The following LINGO1 variants were observed in gnomAD, a reference collection of about 807,000 sequenced individuals.
LINGO1 encodes leucine-rich repeat and immunoglobulin-like domain-containing nogo receptor-interacting protein 1.
LINGO1 carries 11 observed loss-of-function variants against 37.3 expected under a neutral mutation model. The ratio of observed to expected loss-of-function variants is 0.29; its 90% confidence interval spans 0.19 to 0.49. The LOEUF is 0.49. Ranked by LOEUF, LINGO1 falls within the 20% of genes least tolerant of loss-of-function variation. The pLI, the probability that LINGO1 is intolerant of heterozygous loss-of-function variation, is 0.99. For synonymous variants in LINGO1, 387 were observed against 403.0 expected, an observed-to-expected ratio of 0.96 and a Z score of 0.48; for missense variants, 585 against 878.2, an observed-to-expected ratio of 0.67 and a Z score of 4.22.
chr15:77,658,816 G>C (rs1348759110), intron 3 of LINGO1, among the ~76,000 whole-genome samples: 1 of 152,222 alleles, frequency 6.6e-6, no homozygotes, highest in Admixed American at 6.5e-5. Flanking sequence ...GAAGATCTGG[G>C]GGGCAACAGA....
chr15:77,759,871 C>T (rs929562924), intron 1 of LINGO1, among the ~76,000 whole-genome samples: 3 of 152,228 alleles, frequency 2.0e-5, no homozygotes, highest in Admixed American at 6.5e-5. Context: ...ACATGCTGAG[C>T]GCTCTGCCCT....
rs180891603 is a variant in LINGO1, at chr15:77,753,134, A to G, written c.-256-18081T>C. On this transcript the variant is annotated intron_variant, in intron 1 of 3. Transcript: ENST00000561686. ...TCATGGGTCCCGCGTGCTGGAGAGA[A>G]CAGAGACCTGACTGCCTCCAACTAA... 1.8e-4 allele frequency among the ~76,000 whole-genome samples: 28 copies of G among 152,352 alleles called. 1 individual carries two copies. In the East Asian group the frequency reaches 5.4e-3, roughly 29 times the overall value.
intron 1 of LINGO1, among the ~76,000 whole-genome samples, chr15:77,761,790 C>A (rs2076479684): frequency 1.3e-5 from 2 of 152,244 alleles, no homozygotes; most frequent in African/African-American, 2.4e-5. Context: ...GCTCTCCTCT[C>A]CAGGGGAATG....
upstream of LINGO1, among the ~76,000 whole-genome samples, chr15:77,697,958 A>T (rs2075718034): frequency 1.3e-5 from 2 of 152,150 alleles, no homozygotes; most frequent in African/African-American, 4.8e-5. Context: ...TCATCCTAGG[A>T]GCCAGCAGGA....
chr15:77,797,361 T>C (rs2076881908), intron 1 of LINGO1, among the ~76,000 whole-genome samples: 1 of 152,214 alleles, frequency 6.6e-6, no homozygotes, highest in Non-Finnish European at 1.5e-5. Flanking sequence ...TTTCGTGGTG[T>C]GCAGACAAAT....
At chr15:77,724,581 C>T (rs1284225648) in intron 2 of LINGO1, among the ~76,000 whole-genome samples, 2 of 152,206 alleles carry the variant, frequency 1.3e-5, no homozygotes, top group African/African-American at 2.4e-5. Context: ...GTTTCAACCT[C>T]GCCTCTCCGG....
chr15:77,705,173 T>TCA (rs1187038083), intron 2 of LINGO1, among the ~76,000 whole-genome samples: 1 of 44,108 alleles, frequency 2.3e-5, no homozygotes, highest in African/African-American at 6.9e-5. Flanking sequence ...CCCCCTGCCA[T>TCA]GACACACACA....
chr15:77,787,684 G>A (rs2076785568), upstream of LINGO1, among the ~76,000 whole-genome samples: 1 of 152,074 alleles, frequency 6.6e-6, no homozygotes, highest in Non-Finnish European at 1.5e-5. Flanking sequence ...CACGAGGCCG[G>A]TGTGCCCATC....
chr15:77,657,497 A>G (rs1211802175), intron 3 of LINGO1, among the ~76,000 whole-genome samples: 2 of 151,522 alleles, frequency 1.3e-5, no homozygotes, highest in Non-Finnish European at 2.9e-5. Context: ...TCCATTTCCA[A>G]CTCTTCTCCC....
At chr15:77,770,672 G>A (rs1567574050) in intron 1 of LINGO1, among the ~76,000 whole-genome samples, 1 of 152,006 alleles carries the variant, frequency 6.6e-6, no homozygotes, top group South Asian at 2.1e-4. Flanking sequence ...TCCACGAAGA[G>A]GGGGTTTAAA....
At chr15:77,702,297 G>A (rs893048224) in intron 2 of LINGO1, among the ~76,000 whole-genome samples, 1 of 152,110 alleles carries the variant, frequency 6.6e-6, no homozygotes, top group Non-Finnish European at 1.5e-5. Context: ...ACAGGCTGGG[G>A]GACACCTGCA....
rs80026204 is a variant in LINGO1 at position 77,692,369 on chromosome 15, G to A, written c.-280-1468C>T. Among the ~76,000 whole-genome samples, 1,462 of 152,300 alleles carry A rather than the reference G, an allele frequency of 9.6e-3. 9 individuals carry two copies. Among genetic ancestry groups the A allele is most frequent in the South Asian group, 0.03 (143 of 4,822 alleles). On this transcript the variant is annotated intron_variant, in intron 1 of 3. Transcript: ENST00000559893. ...ACTGTCATCACAGGAAGAGGACAAG[G>A]GGGCAGGGAGGGAGTGGCTGTTGCC... is the stretch of plus-strand genomic sequence containing the variant.
At chr15:77,792,046 C>A (rs1422352613) in intron 2 of LINGO1, among the ~76,000 whole-genome samples, 1 of 152,184 alleles carries the variant, frequency 6.6e-6, no homozygotes, top group Non-Finnish European at 1.5e-5. Flanking sequence ...CCCCACACAA[C>A]TGCCTCTCCA....
Position 77,614,903 on chromosome 15 carries a change from T to C in LINGO1, c.1004A>G (p.Asn335Ser), listed in dbSNP as rs1295979198. The change falls in exon 2 of 2, where the codon AAC becomes AGC. Residue 335 changes from asparagine to serine, a missense_variant. Transcript: ENST00000355300. ...AGAGACATTGAGCACGCGCAGGTAGTTGAGGCCGCGGAAGGCATAGGGCTC... is the reference window on the plus strand; with the variant it reads ...AGAGACATTGAGCACGCGCAGGTAGCTGAGGCCGCGGAAGGCATAGGGCTC... ...VVEPYAFRGL[N>S]YLRVLNVSGN... The C allele has an allele frequency of 6.2e-7, 1 of 1,612,946 alleles. No homozygotes were observed. The highest frequency in any genetic ancestry group is 1.1e-5 in the South Asian group (1 of 91,028).
intron 1 of LINGO1, among the ~76,000 whole-genome samples, chr15:77,621,434 A>C (rs2142523355): frequency 6.6e-6 from 1 of 152,324 alleles, no homozygotes; most frequent in African/African-American, 2.4e-5. Flanking sequence ...GATGAGAAAA[A>C]CAGAGGCTCT....
intron 2 of LINGO1, among the ~76,000 whole-genome samples, chr15:77,706,835 T>A (rs1436987711): frequency 6.6e-6 from 1 of 152,176 alleles, no homozygotes; most frequent in Non-Finnish European, 1.5e-5. Flanking sequence ...GAAGCAGGAA[T>A]CCCTGCTGAG....
At chr15:77,799,034 C>T (rs1182813261) in intron 1 of LINGO1, among the ~76,000 whole-genome samples, 1 of 152,120 alleles carries the variant, frequency 6.6e-6, no homozygotes, top group Non-Finnish European at 1.5e-5. Context: ...AGGCCCACGC[C>T]CACTGTACAG....
intron 1 of LINGO1, among the ~76,000 whole-genome samples, chr15:77,763,946 A>C (rs1160008266): frequency 6.6e-6 from 1 of 152,050 alleles, no homozygotes; most frequent in Non-Finnish European, 1.5e-5. Flanking sequence ...AGTCTCCTCA[A>C]CTCTCAGCCC....
At position 77,613,752 on chromosome 15, in the gene LINGO1, C is replaced by A; in HGVS notation, c.*292G>T. On this transcript the variant is annotated 3_prime_UTR_variant, in exon 2 of 2. Transcript: ENST00000355300. ...CCCAAGTTACAGAGAAAGTTCGTAA[C>A]TTTTTTATTGAATTATTGACTCTGC... 1 of 387,782 alleles carries A rather than the reference C, an allele frequency of 2.6e-6. No individual in the cohort carries two copies. 24.0% of individuals were successfully genotyped at this position (387,782 alleles called of 1,614,324 possible). A position where few individuals can be genotyped will look rare whatever the true frequency, so the allele number is the denominator to read the frequency against.
Sources: gnomAD v4.1 joint callset for allele counts (sites outside exome capture counted in the v4.1 genomes callset) on GRCh38, gnomAD v4.1.1 for gene constraint, MANE v1.5 for transcripts, NCBI Gene and HGNC (gene_info 2026-07-23, HGNC 2026-07-21) for gene names.